Variants in DLGAP2 observed in about 807,000 individuals in gnomAD.
DLGAP2 encodes disks large-associated protein 2.
In DLGAP2, 26 loss-of-function variants were observed where a neutral mutation model predicts 100.3. That is an observed-to-expected ratio of 0.26 (90% CI 0.19 to 0.36). The LOEUF is 0.36. Ranked by LOEUF, DLGAP2 falls within the 10% of genes least tolerant of loss-of-function variation. DLGAP2 has a pLI of 1.00. For synonymous variants in DLGAP2, 886 were observed against 630.1 expected (o/e 1.41, Z -6.08); for missense variants, 1,858 against 1,453.2 (o/e 1.28, Z -4.53).
At chr8:1,023,477 C>G (rs914886255) in intron 2 of DLGAP2, among the ~76,000 whole-genome samples, 1 of 152,160 alleles carries the variant, frequency 6.6e-6, no homozygotes, top group African/African-American at 2.4e-5. Context: ...ACTGTAGTTG[C>G]ACACCGCAGC....
chr8:1,312,897 G>C (rs1294696234), intron 3 of DLGAP2, among the ~76,000 whole-genome samples: 1 of 152,212 alleles, frequency 6.6e-6, no homozygotes, highest in Non-Finnish European at 1.5e-5. Flanking sequence ...TGTGCAGGGA[G>C]CACCATGAAG....
At chr8:1,537,222 T>A (rs1801182778) in intron 4 of DLGAP2, among the ~76,000 whole-genome samples, 1 of 152,144 alleles carries the variant, frequency 6.6e-6, no homozygotes, top group African/African-American at 2.4e-5. Context: ...TACAAAAGCA[T>A]GTGCATCTGT....
intron 1 of DLGAP2, among the ~76,000 whole-genome samples, chr8:779,224 A>G (rs1011730888): frequency 6.6e-6 from 1 of 152,056 alleles, no homozygotes; most frequent in Admixed American, 6.5e-5. Flanking sequence ...GCACCCACTG[A>G]CCTGTGCCCA....
intron 3 of DLGAP2, among the ~76,000 whole-genome samples, chr8:1,390,747 A>G (rs1201183647): frequency 6.6e-6 from 1 of 152,170 alleles, no homozygotes; most frequent in Non-Finnish European, 1.5e-5. Context: ...GCCTGAGAAT[A>G]CTGCAGGTGG....
intron 3 of DLGAP2, among the ~76,000 whole-genome samples, chr8:1,294,594 G>A (rs1405392823): frequency 6.6e-6 from 1 of 152,132 alleles, no homozygotes; most frequent in Non-Finnish European, 1.5e-5. Flanking sequence ...GGTCAATGTC[G>A]AATTGGAATT....
intron 2 of DLGAP2, among the ~76,000 whole-genome samples, chr8:1,202,146 A>C (rs1797891006): frequency 1.4e-5 from 2 of 146,184 alleles, no homozygotes; most frequent in African/African-American, 2.8e-5. Context: ...GTGTGTATAC[A>C]CATGTGGTGT....
chr8:1,618,475 A>T (rs1797228370), intron 6 of DLGAP2, among the ~76,000 whole-genome samples: 1 of 152,204 alleles, frequency 6.6e-6, no homozygotes, highest in Non-Finnish European at 1.5e-5. Context: ...AGACTGAGGT[A>T]TGGATTCAGT....
intron 8 of DLGAP2, among the ~76,000 whole-genome samples, chr8:1,638,808 G>A (rs1489822137): frequency 2.0e-5 from 3 of 152,234 alleles, no homozygotes; most frequent in Admixed American, 6.5e-5. Context: ...AGGAGAGGCC[G>A]TAATGATGGC....
chr8:1,279,490 G>A (rs944449660), intron 3 of DLGAP2, among the ~76,000 whole-genome samples: 5 of 152,236 alleles, frequency 3.3e-5, no homozygotes, highest in Non-Finnish European at 2.9e-5. Context: ...AGAAGGTGCT[G>A]CGGAGGGAAA....
intron 4 of DLGAP2, 103 bp downstream of exon 4, chr8:1,501,534 A>C: frequency 1.7e-6 from 2 of 1,152,656 alleles, no homozygotes; most frequent in Non-Finnish European, 2.4e-6. Flanking sequence ...ACACGTTAGC[A>C]TGTTTAGAAA....
intron 2 of DLGAP2, among the ~76,000 whole-genome samples, chr8:1,203,362 G>T (rs1032095070): frequency 6.6e-6 from 1 of 151,840 alleles, no homozygotes; most frequent in South Asian, 2.1e-4. Context: ...TAGAATCCAT[G>T]AGACTGGCGT....
chr8:921,294 C>T (rs1274895419), intron 2 of DLGAP2, among the ~76,000 whole-genome samples: 9 of 152,208 alleles, frequency 5.9e-5, no homozygotes, highest in Non-Finnish European at 1.0e-4. Flanking sequence ...TGGTCAGACC[C>T]GTCCTCCCTG....
At chr8:947,419 G>C (rs150381491) in intron 2 of DLGAP2, among the ~76,000 whole-genome samples, 61 of 152,360 alleles carry the variant, frequency 4.0e-4, no homozygotes, top group African/African-American at 1.4e-3. Context: ...CCTTGCACTT[G>C]CTGCGACAGG....
chr8:1,330,542 G>C (rs1365565215), intron 3 of DLGAP2, among the ~76,000 whole-genome samples: 3 of 144,042 alleles, frequency 2.1e-5, no homozygotes, highest in African/African-American at 2.6e-5. Flanking sequence ...ACTGAGTTCT[G>C]GGTGGGAGCA....
chr8:1,443,711 A>C (rs944212876), intron 3 of DLGAP2, among the ~76,000 whole-genome samples: 4 of 152,062 alleles, frequency 2.6e-5, no homozygotes, highest in African/African-American at 9.7e-5. Context: ...AAAATCATCA[A>C]ATCTAGTGAG....
intron 2 of DLGAP2, among the ~76,000 whole-genome samples, chr8:917,125 C>T (rs1488744522): frequency 1.3e-5 from 2 of 152,296 alleles, no homozygotes; most frequent in Non-Finnish European, 2.9e-5. Context: ...GAGTGAAGGG[C>T]CGGGGATAGT....
At chr8:838,356 C>A (rs1796920737) in intron 1 of DLGAP2, among the ~76,000 whole-genome samples, 1 of 151,914 alleles carries the variant, frequency 6.6e-6, no homozygotes, top group East Asian at 1.9e-4. Flanking sequence ...TCCTTATTCA[C>A]TTGTTCTGGG....
At chr8:1,195,814 G>C (rs932237376) in intron 2 of DLGAP2, among the ~76,000 whole-genome samples, 2 of 152,210 alleles carry the variant, frequency 1.3e-5, no homozygotes, top group Non-Finnish European at 2.9e-5. Flanking sequence ...TGCGTGACCT[G>C]CTCCGAGGCC....
rs963095482 is a variant in DLGAP2, at chr8:1,701,531, C to G, written c.*125C>G. ...CACGTCCTCGCTCCCGCGCTCCCCG[C>G]GCCCCGGACACAGCGGGACGCGGCC... On this transcript the variant is annotated 3_prime_UTR_variant, in exon 15 of 15. Coordinates refer to ENST00000637795, the MANE Select transcript of DLGAP2 (RefSeq NM_001346810.2). The G allele has an allele frequency of 9.3e-7, 1 of 1,076,404 alleles. No individual in the cohort carries two copies. Among genetic ancestry groups the G allele is most frequent in the African/African-American group, 1.6e-5 (1 of 62,094 alleles). The allele number at this position is 1,076,404 out of a possible 1,614,324, so 66.7% of individuals were successfully genotyped here.
Sources: gnomAD v4.1 joint callset for allele counts (sites outside exome capture counted in the v4.1 genomes callset) on GRCh38, gnomAD v4.1.1 for gene constraint, MANE v1.5 for transcripts, NCBI Gene and HGNC (gene_info 2026-07-23, HGNC 2026-07-21) for gene names.